Variants in ELF1 observed in about 807,000 individuals in gnomAD.
ELF1 encodes E74 like ETS transcription factor 1, also known as ETS-related transcription factor Elf-1.
Under a neutral mutation model 59.9 loss-of-function variants are expected in ELF1, and 24 were observed. That is an observed-to-expected ratio of 0.40 (90% CI 0.29 to 0.56). The LOEUF (loss-of-function observed/expected upper bound fraction) is 0.56, where lower values mean the gene tolerates loss of function less well. Ranked by LOEUF, ELF1 falls within the 20% of genes least tolerant of loss-of-function variation. ELF1 has a pLI of 0.44. For synonymous variants in ELF1, 248 were observed against 266.2 expected (o/e 0.93, Z 0.67); for missense variants, 627 against 742.2 (o/e 0.84, Z 1.80).
At chr13:41,055,623 T>C (rs766408159) in intron 1 of ELF1, among the ~76,000 whole-genome samples, 1 of 152,138 alleles carries the variant, frequency 6.6e-6, no homozygotes, top group African/African-American at 2.4e-5. Flanking sequence ...TAATAAGCAC[T>C]TACCACATTT....
intron 1 of ELF1, among the ~76,000 whole-genome samples, chr13:41,029,374 G>A (rs1487376924): frequency 1.3e-5 from 2 of 152,132 alleles, no homozygotes; most frequent in South Asian, 2.1e-4. Flanking sequence ...GGATGAGGGT[G>A]TTTCCAGAGA....
chr13:41,039,646 G>C (rs1876528392), intron 1 of ELF1, among the ~76,000 whole-genome samples: 1 of 152,088 alleles, frequency 6.6e-6, no homozygotes, highest in South Asian at 2.1e-4. Context: ...TTAGTTCTAA[G>C]ACAGTTTTTT....
At chr13:40,977,953 C>A (rs1381084740) in intron 2 of ELF1, among the ~76,000 whole-genome samples, 3 of 152,290 alleles carry the variant, frequency 2.0e-5, no homozygotes, top group African/African-American at 7.2e-5. Flanking sequence ...AAACATAAAA[C>A]ATTCAATAAA....
chr13:41,037,853 T>A (rs1270818369), intron 1 of ELF1, among the ~76,000 whole-genome samples: 1 of 151,318 alleles, frequency 6.6e-6, no homozygotes, highest in Non-Finnish European at 1.5e-5. Context: ...CAACAGACAT[T>A]TCCCAAATTT....
chr13:40,987,071 G>A (rs1873590873), intron 1 of ELF1, among the ~76,000 whole-genome samples: 1 of 150,128 alleles, frequency 6.7e-6, no homozygotes, highest in Non-Finnish European at 1.5e-5. Context: ...GAGTAGCTGG[G>A]ACTACAGGCG....
intron 1 of ELF1, among the ~76,000 whole-genome samples, chr13:41,037,252 C>A (rs1281835409): frequency 6.6e-6 from 1 of 152,096 alleles, no homozygotes; most frequent in African/African-American, 2.4e-5. Flanking sequence ...ATCTCCAAGT[C>A]TCTCTCCTGA....
At chr13:41,019,159 A>T (rs960026693) in intron 1 of ELF1, 69 bp downstream of exon 1, 2 of 981,774 alleles carry the variant, frequency 2.0e-6, no homozygotes, top group Non-Finnish European at 2.4e-6. Flanking sequence ...TTCAACAGGT[A>T]AGAACCACCC....
intron 1 of ELF1, among the ~76,000 whole-genome samples, chr13:41,032,947 C>T (rs943963241): frequency 6.6e-6 from 1 of 151,986 alleles, no homozygotes; most frequent in Non-Finnish European, 1.5e-5. Context: ...GTCATAATGT[C>T]CTACGGACTG....
At chr13:41,016,559 A>G (rs1184096825) in intron 1 of ELF1, among the ~76,000 whole-genome samples, 3 of 152,140 alleles carry the variant, frequency 2.0e-5, no homozygotes, top group Non-Finnish European at 4.4e-5. Flanking sequence ...GCAAAGTTTT[A>G]CACATACACA....
At chr13:40,989,548 T>C (rs965616121) in intron 1 of ELF1, among the ~76,000 whole-genome samples, 7 of 152,218 alleles carry the variant, frequency 4.6e-5, no homozygotes, top group African/African-American at 1.7e-4. Context: ...TCTTTTATTT[T>C]TTAATTAATT....
intron 1 of ELF1, among the ~76,000 whole-genome samples, chr13:41,027,625 T>C (rs1380478476): frequency 3.9e-5 from 6 of 152,232 alleles, no homozygotes; most frequent in Admixed American, 6.5e-5. Context: ...CTTACTGCAA[T>C]AGACACTCTA....
chr13:41,033,327 T>C (rs961549845), intron 1 of ELF1, among the ~76,000 whole-genome samples: 7 of 152,222 alleles, frequency 4.6e-5, no homozygotes, highest in African/African-American at 1.7e-4. Flanking sequence ...ACAGTTATAA[T>C]CCTTATTTCA....
chr13:40,975,170 C>T (rs1872826689), intron 2 of ELF1, among the ~76,000 whole-genome samples: 1 of 152,212 alleles, frequency 6.6e-6, no homozygotes, highest in South Asian at 2.1e-4. Flanking sequence ...CAGCTTCCTG[C>T]CCTTCTCATC....
chr13:41,051,886 A>C (rs992888589), intron 1 of ELF1, among the ~76,000 whole-genome samples: 4 of 152,006 alleles, frequency 2.6e-5, no homozygotes. Context: ...TGCTTTTTCA[A>C]AGTTCAAGTC....
At position 40,969,080 on chromosome 13, in the gene ELF1, G is replaced by A. The variant is rs867697474; in HGVS notation, c.73-10064C>T. On this transcript the variant is annotated intron_variant, in intron 2 of 8. Transcript: ENST00000239882. The stretch of plus-strand genomic sequence containing the variant: ...GCAACCAGGCAGAAAAGTTTATGTA[G>A]TTGTAGTACCCACTGCTCAACACAT... Among the ~76,000 whole-genome samples, 9 of 152,220 alleles carry A rather than the reference G, an allele frequency of 5.9e-5. No homozygotes were observed. The South Asian group carries it at 1.0e-3, about 18-fold the overall frequency.
chr13:40,943,878 T>G lies in ELF1; in HGVS notation c.577A>C (p.Asn193His), dbSNP rs1870341250. Residue 193 changes from asparagine to histidine, a missense_variant, in exon 6 of 9, where the codon AAT becomes CAT. Asn to His is a moderately conservative substitution (Grantham distance 68). Coordinates refer to ENST00000239882, the MANE Select transcript of ELF1 (RefSeq NM_172373.4). ...PRPDSPATTP[N>H]ISVKKKNKDG... Reference sequence around the variant, plus strand: ...TTGTTTTTCTTCTTCACAGATATATTTGGCGTAGTGGCTGGGGAATCTGGT... The same window carrying G: ...TTGTTTTTCTTCTTCACAGATATATGTGGCGTAGTGGCTGGGGAATCTGGT... 6.2e-7 allele frequency: 1 copy of G among 1,613,778 alleles called. No homozygotes were observed. Among genetic ancestry groups the G allele is most frequent in the Non-Finnish European group, 8.5e-7 (1 of 1,179,848 alleles).
chr13:41,051,178 A>G (rs567757200), intron 1 of ELF1, among the ~76,000 whole-genome samples: 20 of 152,304 alleles, frequency 1.3e-4, no homozygotes, highest in Admixed American at 1.0e-3. Context: ...TTTAAGGGAC[A>G]GTAATATTGT....
chr13:41,005,280 T>C (rs1312801737), intron 1 of ELF1, among the ~76,000 whole-genome samples: 1 of 151,976 alleles, frequency 6.6e-6, no homozygotes, highest in Non-Finnish European at 1.5e-5. Context: ...GAAGTATTCT[T>C]AGGAGCAAAC....
intron 1 of ELF1, among the ~76,000 whole-genome samples, chr13:41,024,843 T>C (rs1193039308): frequency 6.6e-6 from 1 of 152,132 alleles, no homozygotes; most frequent in East Asian, 1.9e-4. Flanking sequence ...AGCTCCTCCT[T>C]TGCTACTCTT....
Sources: allele counts gnomAD v4.1 joint callset (sites outside exome capture counted in the v4.1 genomes callset), GRCh38; gene constraint gnomAD v4.1.1; transcripts MANE v1.5; gene names NCBI Gene and HGNC (gene_info 2026-07-23, HGNC 2026-07-21).